EYS: variants seen among roughly 807,000 people sequenced by gnomAD.
The protein encoded by EYS is EGF-like photoreceptor maintenance factor.
In EYS, 250 loss-of-function variants were observed where a neutral mutation model predicts 282.1. The observed-to-expected ratio is 0.89, with a 90% confidence interval of 0.80 to 0.98. EYS has a LOEUF of 0.98. Among genes scored for constraint, EYS ranks in the 50% least tolerant of loss-of-function variants. The probability of loss-of-function intolerance (pLI) is 0.00; values close to 1 mark genes in which losing one functional copy is unlikely to be tolerated. For missense variants in EYS, 4,016 were observed against 3,709.0 expected, an observed-to-expected ratio of 1.08 and a Z score of -2.15; for synonymous variants, 1,355 against 1,282.9, an observed-to-expected ratio of 1.06 and a Z score of -1.20.
chr6:64,707,008 C>A (rs570712820), intron 22 of EYS, among the ~76,000 whole-genome samples: 1 of 151,946 alleles, frequency 6.6e-6, no homozygotes, highest in African/African-American at 2.4e-5. Flanking sequence ...CTTGCACACA[C>A]GTTTATAGTA....
intron 22 of EYS, among the ~76,000 whole-genome samples, chr6:64,724,892 T>C (rs1233152278): frequency 1.3e-5 from 2 of 151,816 alleles, no homozygotes; most frequent in African/African-American, 4.9e-5. Context: ...ATAGAAATTA[T>C]GGAAAGAACA....
chr6:63,779,000 T>A (rs963596564), intron 39 of EYS: 1 of 151,896 alleles, frequency 6.6e-6, no homozygotes, highest in Non-Finnish European at 1.5e-5. Flanking sequence ...AATGAGGACA[T>A]TAGCTATTTG....
At chr6:65,350,059 A>G (rs1770542438) in intron 9 of EYS, among the ~76,000 whole-genome samples, 1 of 151,452 alleles carries the variant, frequency 6.6e-6, no homozygotes, top group Non-Finnish European at 1.5e-5. Flanking sequence ...ATTCTCTTTC[A>G]AGGCATGTAA....
intron 6 of EYS, among the ~76,000 whole-genome samples, chr6:65,403,679 A>G (rs1196464189): frequency 6.6e-6 from 1 of 152,000 alleles, no homozygotes. Context: ...ATAATAGAGA[A>G]TATTAAATAA....
intron 30 of EYS, among the ~76,000 whole-genome samples, chr6:64,275,028 C>T (rs1432669507): frequency 1.3e-5 from 2 of 152,218 alleles, no homozygotes; most frequent in Non-Finnish European, 1.5e-5. Context: ...TCCCATAAAG[C>T]ATGCACCTGG....
chr6:63,738,703 A>G (rs1768993553), intron 41 of EYS, among the ~76,000 whole-genome samples: 1 of 151,958 alleles, frequency 6.6e-6, no homozygotes, highest in African/African-American at 2.4e-5. Flanking sequence ...TAACCTGCAC[A>G]TTGTGCACAT....
intron 33 of EYS, among the ~76,000 whole-genome samples, chr6:64,031,027 G>A (rs964261993): frequency 6.6e-6 from 1 of 152,220 alleles, no homozygotes; most frequent in African/African-American, 2.4e-5. Context: ...CTTGCTCTTG[G>A]CACCTCCTCT....
At chr6:63,991,758 G>C (rs1213965229) in intron 34 of EYS, among the ~76,000 whole-genome samples, 1 of 151,426 alleles carries the variant, frequency 6.6e-6, no homozygotes, top group Admixed American at 6.6e-5. Context: ...AGAAGCTGAA[G>C]TACTCCAACT....
At chr6:65,243,584 T>TA (rs1767107157) in intron 12 of EYS, among the ~76,000 whole-genome samples, 1 of 152,174 alleles carries the variant, frequency 6.6e-6, no homozygotes, top group African/African-American at 2.4e-5. Flanking sequence ...GTATGCCATT[T>TA]AAGACAATGT....
chr6:65,589,845 T>A (rs2127367030), intron 2 of EYS, among the ~76,000 whole-genome samples: 1 of 152,116 alleles, frequency 6.6e-6, no homozygotes, highest in African/African-American at 2.4e-5. Flanking sequence ...GGGGTGATAA[T>A]GGCCTATGTT....
chr6:64,436,536 A>G (rs1398600483), intron 27 of EYS, among the ~76,000 whole-genome samples: 1 of 151,814 alleles, frequency 6.6e-6, no homozygotes, highest in Non-Finnish European at 1.5e-5. Flanking sequence ...TATTCTGAGG[A>G]ACATGGTTGA....
At chr6:64,940,252 G>A (rs1769045358) in intron 15 of EYS, among the ~76,000 whole-genome samples, 1 of 151,998 alleles carries the variant, frequency 6.6e-6, no homozygotes, top group African/African-American at 2.4e-5. Context: ...GTTGCAATGA[G>A]TTATAAACCC....
chr6:64,715,332 T>A (rs905672530), intron 22 of EYS, among the ~76,000 whole-genome samples: 3 of 152,092 alleles, frequency 2.0e-5, no homozygotes, highest in Non-Finnish European at 4.4e-5. Context: ...TTTCAGTTGT[T>A]GTCACTGCAG....
chr6:64,264,008 C>G (rs1407701054), intron 30 of EYS, among the ~76,000 whole-genome samples: 1 of 152,114 alleles, frequency 6.6e-6, no homozygotes, highest in Non-Finnish European at 1.5e-5. Flanking sequence ...ATTCCACACC[C>G]ATGTATTTAC....
At chr6:64,116,076 C>G (rs1172980233) in intron 31 of EYS, among the ~76,000 whole-genome samples, 2 of 151,666 alleles carry the variant, frequency 1.3e-5, no homozygotes, top group Non-Finnish European at 2.9e-5. Context: ...CAAAAAAGAA[C>G]CAAAGAGAAA....
chr6:65,391,529 G>C (rs1766030801), intron 7 of EYS, among the ~76,000 whole-genome samples: 1 of 152,030 alleles, frequency 6.6e-6, no homozygotes, highest in Non-Finnish European at 1.5e-5. Context: ...ACCAACAACA[G>C]GCAAACAGAG....
At chr6:65,289,712 T>C (rs1056603720) in intron 12 of EYS, among the ~76,000 whole-genome samples, 1 of 151,230 alleles carries the variant, frequency 6.6e-6, no homozygotes, top group African/African-American at 2.4e-5. Context: ...CACACATTAC[T>C]AACAAATCAT....
chr6:65,239,189 A>G lies in EYS; in HGVS notation c.2023+56674T>C, dbSNP rs1042369262. 7.9e-5 allele frequency among the ~76,000 whole-genome samples: 12 copies of G among 152,210 alleles called. No homozygotes were observed. The South Asian group carries it at 2.5e-3, about 32-fold the overall frequency. ...CCAAAACAAGACATATCCTGTCTTC[A>G]CAGGGTGATGCTCATTGTCTCCTAA... is the stretch of plus-strand genomic sequence containing the variant. On this transcript the variant is annotated intron_variant, in intron 12 of 42. Coordinates refer to ENST00000503581, the MANE Select transcript of EYS (RefSeq NM_001142800.2).
At chr6:65,315,442 A>G (rs1769272733) in intron 11 of EYS, among the ~76,000 whole-genome samples, 1 of 152,066 alleles carries the variant, frequency 6.6e-6, no homozygotes. Context: ...TCTCCTCCCC[A>G]TCACTACTCC....
Sources: allele counts gnomAD v4.1 joint callset (sites outside exome capture counted in the v4.1 genomes callset), GRCh38; gene constraint gnomAD v4.1.1; transcripts MANE v1.5; gene names NCBI Gene and HGNC (gene_info 2026-07-23, HGNC 2026-07-21).